The following MYO15A variants were observed in gnomAD, a reference collection of about 807,000 sequenced individuals.
The protein encoded by MYO15A is myosin XVA, also known as unconventional myosin-XV.
Under a neutral mutation model 394.6 loss-of-function variants are expected in MYO15A, and 308 were observed. That is an observed-to-expected ratio of 0.78 (90% confidence interval 0.71 to 0.86). The LOEUF (loss-of-function observed/expected upper bound fraction) is 0.86, where lower values mean the gene tolerates loss of function less well. Among genes scored for constraint, MYO15A ranks in the 40% least tolerant of loss-of-function variants. MYO15A has a pLI of 0.00. For synonymous variants in MYO15A, 1,957 were observed against 2,003.8 expected (o/e 0.98, Z 0.62); for missense variants, 4,606 against 4,799.1 (o/e 0.96, Z 1.19).
At chr17:18,149,827 TCTGTAGTCCCAACTA>T (rs1423717557) in intron 35 of MYO15A, 2 of 566,834 alleles carry the variant, frequency 3.5e-6, no homozygotes, top group East Asian at 6.2e-5. Context: ...GTGGCATGCC[TCTGTAGTCCCAACTA>T]CTTAGGAGGC....
intron 12 of MYO15A, among the ~76,000 whole-genome samples, 181 bp from the exon 13 acceptor site, chr17:18,135,530 G>A (rs1197900095): frequency 1.3e-5 from 2 of 151,900 alleles, no homozygotes; most frequent in Non-Finnish European, 2.9e-5. Context: ...TAGTAGAGAC[G>A]GGGTTTCTCC....
chr17:18,166,633 A>G, intron 61 of MYO15A, 112 bp downstream of exon 61: 2 of 1,421,634 alleles, frequency 1.4e-6, no homozygotes, highest in Non-Finnish European at 1.9e-6. Context: ...GGCCCTGTGG[A>G]TGTCTCTAGC....
rs1192203249 is a variant in MYO15A, at chr17:18,154,470, C to T, written c.8149-210C>T. ...CCTATATAGAGTAGGAAACGGTGGCCTAGGAAGGGTGGCCTGGATTGTGGG... is the reference window on the plus strand; with the variant it reads ...CCTATATAGAGTAGGAAACGGTGGCTTAGGAAGGGTGGCCTGGATTGTGGG... On this transcript the variant is annotated intron_variant, in intron 44 of 65. Coordinates refer to ENST00000647165, the MANE Select transcript of MYO15A (RefSeq NM_016239.4). Among the ~76,000 whole-genome samples, 5 of 152,170 alleles carry T rather than the reference C, an allele frequency of 3.3e-5. No homozygotes were observed. The East Asian group carries it at 9.6e-4, about 29-fold the overall frequency.
intron 65 of MYO15A, chr17:18,176,570 A>T: frequency 3.7e-5 from 4 of 106,894 alleles, no homozygotes; most frequent in Non-Finnish European, 3.6e-5. Flanking sequence ...TTTTTACTAC[A>T]GTGTCTTGCT....
At position 18,119,354 on chromosome 17, in the gene MYO15A, G is replaced by C; in HGVS notation, c.554G>C (p.Gly185Ala). Residue 185 changes from glycine to alanine, a missense_variant, in exon 2 of 66, where the codon GGC (glycine) becomes GCC (alanine). Around this residue, in one of 2 missense-constraint regions of MYO15A, gnomAD observed 1,830 missense variants for 1,689.7 expected, o/e 1.08. Coordinates refer to ENST00000647165, the MANE Select transcript of MYO15A (RefSeq NM_016239.4). ...GGTGCCGAGATCCTGCGGCCTGGGG[G>C]CCGGCTCCGGAGGTTCCCCCGCAGC... is the stretch of plus-strand genomic sequence containing the variant. ...PSGAEILRPG[G>A]RLRRFPRSRS... 6.2e-7 allele frequency: 1 copy of C among 1,608,790 alleles called. No homozygotes were observed. Among genetic ancestry groups the C allele is most frequent in the Non-Finnish European group, 8.5e-7 (1 of 1,179,026 alleles).
At position 18,143,590 on chromosome 17, in the gene MYO15A, G is replaced by A. The variant is rs754960435; in HGVS notation, c.5935G>A (p.Val1979Met). Residue 1979 changes from valine to methionine, a missense_variant, in exon 26 of 66, where the codon GTG (valine) becomes ATG (methionine). By Grantham distance (21) the Val-to-Met change is conservative (BLOSUM62 1). Coordinates refer to ENST00000647165, the MANE Select transcript of MYO15A (RefSeq NM_016239.4). ...GCTGAGGGCAGAGTGGAGGTGCCAG[G>A]TGGAGGGGGCGCTGCTGTGGGAGCA... Reference protein sequence around the residue: ...LKLRAEWRCQVEGALLWEQEE... With the variant: ...LKLRAEWRCQMEGALLWEQEE... The A allele has an allele frequency of 5.1e-5, 79 of 1,564,286 alleles. No individual in the cohort carries two copies. Among genetic ancestry groups the A allele is most frequent in the Non-Finnish European group, 4.1e-5 (47 of 1,153,954 alleles).
chr17:18,128,515 G>C (rs1162266970), intron 7 of MYO15A, among the ~76,000 whole-genome samples: 1 of 152,166 alleles, frequency 6.6e-6, no homozygotes, highest in Non-Finnish European at 1.5e-5. Context: ...TGCCTGCCTT[G>C]GCCTGCCAGG....
intron 65 of MYO15A, among the ~76,000 whole-genome samples, chr17:18,176,228 G>A (rs996138440): frequency 3.3e-5 from 5 of 152,312 alleles, no homozygotes; most frequent in Admixed American, 2.0e-4. Context: ...AGGTTTATCT[G>A]GCTCACGGTT....
chr17:18,163,960 T>G lies in MYO15A; in HGVS notation c.9787+122T>G, dbSNP rs1043183613. On this transcript the variant is annotated intron_variant, in intron 60 of 65. Coordinates refer to ENST00000647165, the MANE Select transcript of MYO15A (RefSeq NM_016239.4). ...GTGCCACTTCCTCCAGGAAGCCCCTTGACCCCCATGTGGAAGGATCTCTGT... is the reference window on the plus strand; with the variant it reads ...GTGCCACTTCCTCCAGGAAGCCCCTGGACCCCCATGTGGAAGGATCTCTGT... 2.0e-5 allele frequency: 19 copies of G among 935,886 alleles called. No individual in the cohort carries two copies. In the African/African-American group the frequency reaches 3.1e-4, roughly 15 times the overall value. 58.0% of individuals were successfully genotyped at this position (935,886 alleles called of 1,614,324 possible).
In MYO15A at chr17:18,153,996, AG is replaced by A; in HGVS notation, c.8088+102del. The A allele has an allele frequency of 6.2e-7, 1 of 1,606,068 alleles. No homozygotes were observed. The highest frequency in any genetic ancestry group is 8.5e-7 in the Non-Finnish European group (1 of 1,174,742). On this transcript the variant is annotated intron_variant, in intron 43 of 65. Coordinates refer to ENST00000647165, the MANE Select transcript of MYO15A (RefSeq NM_016239.4). This position sits in a 1 kb window ranked among gnomAD's most constrained non-coding sequence, Gnocchi z 4.1. Reference sequence around the variant, plus strand: ...CTAGGACTTGGGGAGGGAGCCCAGGAGGACAGAAAAAGGCCGGGCTGAAACC... The same window carrying A: ...CTAGGACTTGGGGAGGGAGCCCAGGAGACAGAAAAAGGCCGGGCTGAAACC...
chr17:18,135,933 T>C, intron 13 of MYO15A, 109 bp downstream of exon 13: 1 of 1,015,424 alleles, frequency 9.8e-7, no homozygotes, highest in Non-Finnish European at 1.5e-6. Flanking sequence ...CTGCTCTCTC[T>C]GTCCCTGGGT....
chr17:18,152,288 G>A, intron 42 of MYO15A, 104 bp downstream of exon 42: 3 of 1,146,230 alleles, frequency 2.6e-6, no homozygotes, highest in Non-Finnish European at 3.8e-6. Context: ...ATGTCCCTGA[G>A]CCCCTGTGTA....
chr17:18,154,037 A>G (rs748404554), intron 43 of MYO15A, 94 bp from the exon 44 acceptor site: 14 of 1,604,096 alleles, frequency 8.7e-6, no homozygotes, highest in Non-Finnish European at 1.1e-5. Context: ...GTGGGGTTAC[A>G]GCCGGGGCGG....
rs2142388397 is a variant in MYO15A, at chr17:18,157,729, GT to G, written c.8798del (p.Phe2933SerfsTer101). On this transcript the variant is annotated frameshift_variant, in exon 51 of 66. Transcript: ENST00000647165. LOFTEE classifies it high-confidence loss of function. Reference protein sequence around the residue: ...RRRGPDFGWRFGTIHGRVGRF... With the variant: ...RRRGPDFGWRXGTIHGRVGRF... ...CCTTTTACCCACCCCTAGGCTGGAGGTTCGGGACCATCCACGGGCGCGTGGG... is the reference window on the plus strand; with the variant it reads ...CCTTTTACCCACCCCTAGGCTGGAGGTCGGGACCATCCACGGGCGCGTGGG... 1 of 1,606,154 alleles carries G rather than the reference GT, an allele frequency of 6.2e-7. No individual in the cohort carries two copies. The highest frequency in any genetic ancestry group is 1.7e-5 in the Admixed American group (1 of 60,018).
In MYO15A at chr17:18,120,817, G is replaced by C; in HGVS notation, c.2017G>C (p.Gly673Arg). Residue 673 changes from glycine to arginine, a missense_variant, in exon 2 of 66, where the codon GGG (glycine) becomes CGG (arginine). By Grantham distance (125) the Gly-to-Arg change is moderately radical. Transcript: ENST00000647165. ...CGTGCCCCCGCGGCCCCCAAGCTCCGGGCCCCCGCCCGCGCCGCCGCTCTC... is the reference window on the plus strand; with the variant it reads ...CGTGCCCCCGCGGCCCCCAAGCTCCCGGCCCCCGCCCGCGCCGCCGCTCTC... ...PPVPPRPPSS[G>R]PPPAPPLSPA... 1 of 1,218,276 alleles carries C rather than the reference G, an allele frequency of 8.2e-7. No homozygotes were observed. Among genetic ancestry groups the C allele is most frequent in the South Asian group, 2.4e-5 (1 of 41,164 alleles). The allele number at this position is 1,218,276 out of a possible 1,614,324, so 75.5% of individuals were successfully genotyped here. A position where few individuals can be genotyped will look rare whatever the true frequency, so the allele number is the denominator to read the frequency against.
chr17:18,132,694 T>A lies in MYO15A; in HGVS notation c.4320+128T>A. ...GTGAAGGAGATTTGGGGAGGGTGAG[T>A]TTGGATTTAAGACATCTCATGGCAG... On this transcript the variant is annotated intron_variant, in intron 11 of 65. Coordinates refer to ENST00000647165, the MANE Select transcript of MYO15A (RefSeq NM_016239.4). The surrounding 1 kb of genome is among the most constrained non-coding windows in gnomAD (Gnocchi z 4.6). 1 of 789,444 alleles carries A rather than the reference T, an allele frequency of 1.3e-6. No individual in the cohort carries two copies. Among genetic ancestry groups the A allele is most frequent in the African/African-American group, 1.7e-5 (1 of 58,518 alleles). 48.9% of individuals were successfully genotyped at this position (789,444 alleles called of 1,614,324 possible).
rs2046802529 is a variant in MYO15A at position 18,163,282 on chromosome 17, T to A, written c.9651T>A (p.Pro3217=). ...RSSKRQLFLL[P]GGLERHLKIK... ...CCAAGAGGCAACTCTTTCTTCTTCC[T>A]GGAGGCCTTGAACGCCATCTCAAAA... Residue 3217 remains proline (P), a synonymous_variant, in exon 59 of 66, where the codon CCT becomes CCA. Transcript: ENST00000647165. 1 of 1,614,088 alleles carries A rather than the reference T, an allele frequency of 6.2e-7. No homozygotes were observed. The highest frequency in any genetic ancestry group is 8.5e-7 in the Non-Finnish European group (1 of 1,180,028).
intron 45 of MYO15A, 56 bp downstream of exon 45, chr17:18,154,811 G>C: frequency 6.3e-7 from 1 of 1,577,132 alleles, no homozygotes; most frequent in Non-Finnish European, 8.7e-7. Flanking sequence ...GGCACAGCCA[G>C]CCCTGTCCCA....
In MYO15A at chr17:18,140,677, G is replaced by A. The variant is rs758668772; in HGVS notation, c.5360+12G>A. On this transcript the variant is annotated intron_variant, in intron 20 of 65. Coordinates refer to ENST00000647165, the MANE Select transcript of MYO15A (RefSeq NM_016239.4). ...GAAAAGATGGAGAGGTGGGGTGGGG[G>A]GCAGGTGGGCGGAGCACCCAGCCTC... 2 of 1,613,946 alleles carry A rather than the reference G, an allele frequency of 1.2e-6. No individual in the cohort carries two copies. Among genetic ancestry groups the A allele is most frequent in the Non-Finnish European group, 1.7e-6 (2 of 1,180,014 alleles).
Sources: allele counts gnomAD v4.1 joint callset (sites outside exome capture counted in the v4.1 genomes callset), GRCh38; gene constraint gnomAD v4.1.1; regional missense constraint gnomAD v4.1.1; non-coding constraint Gnocchi (gnomAD v3.1); transcripts MANE v1.5; gene names NCBI Gene and HGNC (gene_info 2026-07-23, HGNC 2026-07-21).